The following TBCK variants were observed in gnomAD, a reference collection of about 807,000 sequenced individuals.
The protein encoded by TBCK is TBC domain-containing protein kinase-like protein.
TBCK carries 99 observed loss-of-function variants against 113.4 expected under a neutral mutation model. That is an observed-to-expected ratio of 0.87 (90% CI 0.74 to 1.03). TBCK has a LOEUF of 1.03. Among genes scored for constraint, TBCK ranks in the 50% least tolerant of loss-of-function variants. The probability of loss-of-function intolerance (pLI) is 0.00; values close to 1 mark genes in which losing one functional copy is unlikely to be tolerated. For synonymous variants in TBCK, 369 were observed against 370.8 expected (o/e 1.00, Z 0.05); for missense variants, 1,045 against 1,061.3 (o/e 0.98, Z 0.21).
At chr4:106,072,026 T>G (rs1163346635) in intron 25 of TBCK, among the ~76,000 whole-genome samples, 2 of 152,044 alleles carry the variant, frequency 1.3e-5, no homozygotes, top group Admixed American at 1.3e-4. Context: ...AATGCAGCAG[T>G]GATGGGTATT....
intron 5 of TBCK, among the ~76,000 whole-genome samples, chr4:106,256,358 C>A (rs993091921): frequency 6.6e-6 from 1 of 152,192 alleles, no homozygotes; most frequent in Non-Finnish European, 1.5e-5. Context: ...CTCAGCCCCC[C>A]TTCAGACTCC....
Position 106,273,488 on chromosome 4 carries a change from G to A in TBCK, c.267-11276C>T, listed in dbSNP as rs190432476. ...TTGCTGGTTAGCTTGTCTGAAAGGA[G>A]GCCCCCAAAAAGATTTGTGCACATC... On this transcript the variant is annotated intron_variant, in intron 3 of 25. Coordinates refer to ENST00000394708, the MANE Select transcript of TBCK (RefSeq NM_001163435.3). 3.9e-5 allele frequency among the ~76,000 whole-genome samples: 6 copies of A among 152,216 alleles called. No homozygotes were observed. The East Asian group carries it at 1.2e-3, about 29-fold the overall frequency.
At chr4:106,215,073 A>G (rs2149905816) in intron 19 of TBCK, among the ~76,000 whole-genome samples, 1 of 151,054 alleles carries the variant, frequency 6.6e-6, no homozygotes, top group South Asian at 2.1e-4. Context: ...ACATTCTTAA[A>G]GAAAAGAATT....
chr4:106,052,532 G>A (rs1734925644), intron 25 of TBCK, among the ~76,000 whole-genome samples: 1 of 151,562 alleles, frequency 6.6e-6, no homozygotes, highest in Non-Finnish European at 1.5e-5. Context: ...TAACCAAGTT[G>A]TTTCTAATTT....
intron 25 of TBCK, among the ~76,000 whole-genome samples, chr4:106,078,970 G>T (rs1485005424): frequency 6.6e-6 from 1 of 152,132 alleles, no homozygotes; most frequent in African/African-American, 2.4e-5. Context: ...GGGATGCAAG[G>T]TTGGCTTAAC....
intron 23 of TBCK, among the ~76,000 whole-genome samples, chr4:106,157,533 G>T: frequency 6.6e-6 from 1 of 152,140 alleles, no homozygotes; most frequent in Middle Eastern, 3.2e-3. Context: ...ACTGGGATGG[G>T]CAATTCCCCT....
At chr4:106,257,346 G>A (rs1216771326) in intron 5 of TBCK, among the ~76,000 whole-genome samples, 1 of 152,034 alleles carries the variant, frequency 6.6e-6, no homozygotes, top group African/African-American at 2.4e-5. Context: ...TAATCAAAAT[G>A]TATTTAAATA....
chr4:106,129,029 A>AT (rs1224425209), intron 23 of TBCK, among the ~76,000 whole-genome samples: 1 of 152,190 alleles, frequency 6.6e-6, no homozygotes, highest in Non-Finnish European at 1.5e-5. Flanking sequence ...CTATTCTTTT[A>AT]TTTTGTTCTT....
At chr4:106,220,441 A>C (rs140222091) in intron 19 of TBCK, among the ~76,000 whole-genome samples, 45 of 152,186 alleles carry the variant, frequency 3.0e-4, no homozygotes, top group African/African-American at 1.1e-3. Flanking sequence ...TGTCTTTATC[A>C]GCAGCATGAA....
chr4:106,254,572 C>T (rs954342951), intron 5 of TBCK, among the ~76,000 whole-genome samples: 2 of 152,090 alleles, frequency 1.3e-5, no homozygotes, highest in African/African-American at 2.4e-5. Flanking sequence ...TTTCCTTATA[C>T]TTAATGATTT....
intron 23 of TBCK, among the ~76,000 whole-genome samples, chr4:106,151,957 T>A (rs1441105492): frequency 6.6e-6 from 1 of 152,054 alleles, no homozygotes; most frequent in African/African-American, 2.4e-5. Context: ...CTTTGCTGAA[T>A]TTATCACTTC....
chr4:106,043,061 T>C lies in TBCK; in HGVS notation c.*3509A>G, dbSNP rs180769200. Reference sequence around the variant, plus strand: ...TATATGTATTCCAAAACCTGAGTTCTTGGGGCTTATATTGATACTGGGTAT... The same window carrying C: ...TATATGTATTCCAAAACCTGAGTTCCTGGGGCTTATATTGATACTGGGTAT... On this transcript the variant is annotated 3_prime_UTR_variant, in exon 26 of 26. Coordinates refer to ENST00000394708, the MANE Select transcript of TBCK (RefSeq NM_001163435.3). 44 of 152,326 alleles carry C rather than the reference T, an allele frequency of 2.9e-4. No individual in the cohort carries two copies. Among genetic ancestry groups the C allele is most frequent in the Admixed American group, 1.1e-3 (17 of 15,298 alleles). The allele number at this position is 152,326 out of a possible 1,614,324, so 9.4% of individuals were successfully genotyped here.
chr4:106,234,454 A>AT (rs1310879141), intron 15 of TBCK, among the ~76,000 whole-genome samples: 1 of 151,968 alleles, frequency 6.6e-6, no homozygotes, highest in African/African-American at 2.4e-5. Context: ...ATTTCTAAAA[A>AT]TTTTTTAGAG....
At chr4:106,109,968 G>A (rs1270408387) in intron 24 of TBCK, among the ~76,000 whole-genome samples, 2 of 152,072 alleles carry the variant, frequency 1.3e-5, no homozygotes, top group Admixed American at 6.5e-5. Flanking sequence ...TCCGGAGCCC[G>A]AGAGCGAAGG....
In TBCK at chr4:106,046,576, T is replaced by G. The variant is rs1355440604; in HGVS notation, c.2676A>C (p.Gln892His). The G allele has an allele frequency of 6.3e-7, 1 of 1,585,392 alleles. No individual in the cohort carries two copies. The highest frequency in any genetic ancestry group is 1.1e-5 in the South Asian group (1 of 90,388). Residue 892 changes from glutamine (Q) to histidine (H), a missense_variant, in exon 26 of 26, where the codon CAA becomes CAC. Transcript: ENST00000394708. The stretch of plus-strand genomic sequence containing the variant: ...CAGTCACACTCTTGGTTCTTCATAT[T>G]TGAGGAGATGGGATGGTGAGGAGGC... ...PTGLLTIPSP[Q>H]I is the part of the protein sequence containing the mutation.
intron 3 of TBCK, among the ~76,000 whole-genome samples, chr4:106,286,454 G>A (rs761588398): frequency 3.3e-5 from 5 of 152,174 alleles, no homozygotes; most frequent in Admixed American, 6.5e-5. Flanking sequence ...CTTTTCATGA[G>A]CTAATGATTT....
At chr4:106,089,697 C>A (rs1739981030) in intron 25 of TBCK, among the ~76,000 whole-genome samples, 1 of 152,136 alleles carries the variant, frequency 6.6e-6, no homozygotes, top group Admixed American at 6.6e-5. Context: ...GAGAAATTGG[C>A]CAAAAGAGAG....
intron 3 of TBCK, among the ~76,000 whole-genome samples, chr4:106,284,748 T>C (rs1270925239): frequency 1.3e-5 from 2 of 152,146 alleles, no homozygotes; most frequent in Non-Finnish European, 2.9e-5. Flanking sequence ...AGGGAAATAC[T>C]TCCCATACAG....
At chr4:106,115,642 G>A (rs187897165) in intron 24 of TBCK, among the ~76,000 whole-genome samples, 1 of 152,122 alleles carries the variant, frequency 6.6e-6, no homozygotes, top group Admixed American at 6.5e-5. Flanking sequence ...AAAATAGAAG[G>A]AGAAGAGACT....
Sources: allele counts gnomAD v4.1 joint callset (sites outside exome capture counted in the v4.1 genomes callset), GRCh38; gene constraint gnomAD v4.1.1; transcripts MANE v1.5; gene names NCBI Gene and HGNC (gene_info 2026-07-23, HGNC 2026-07-21).